CWC27: variants seen among roughly 807,000 people sequenced by gnomAD.
CWC27 encodes CWC27 spliceosome associated cyclophilin.
In CWC27, 47 loss-of-function variants were observed where a neutral mutation model predicts 63.6. The ratio of observed to expected loss-of-function variants is 0.74; its 90% CI spans 0.58 to 0.94. The LOEUF (loss-of-function observed/expected upper bound fraction) is 0.94, where lower values mean the gene tolerates loss of function less well. Ranked by LOEUF, CWC27 falls within the 40% of genes least tolerant of loss-of-function variation. The pLI, the probability that CWC27 is intolerant of heterozygous loss-of-function variation, is 0.00. For missense variants in CWC27, 495 were observed against 554.3 expected (o/e 0.89, Z 1.07); for synonymous variants, 175 against 179.8 (o/e 0.97, Z 0.22).
chr5:64,998,216 A>G (rs1182900242), intron 13 of CWC27, among the ~76,000 whole-genome samples: 2 of 152,102 alleles, frequency 1.3e-5, no homozygotes, highest in African/African-American at 4.8e-5. Context: ...TGAGAGAGAT[A>G]GGGAGACAGC....
rs766912754 is a variant in CWC27, at chr5:64,788,927, TTTTC to T, written c.600-16_600-13del. 4 of 1,505,948 alleles carry T rather than the reference TTTTC, an allele frequency of 2.7e-6. No homozygotes were observed. Among genetic ancestry groups the T allele is most frequent in the African/African-American group, 2.8e-5 (2 of 70,854 alleles). The allele number at this position is 1,505,948 out of a possible 1,614,324, so 93.3% of individuals were successfully genotyped here. A position where few individuals can be genotyped will look rare whatever the true frequency, so the allele number is the denominator to read the frequency against. ...GATTTGACTTTCTCTTTCTTTTTTT[TTTTC>T]TTTCTTTTTTTTGGACTAGAAATTT... On this transcript the variant is annotated intron_variant, in intron 6 of 13. Coordinates refer to ENST00000381070, the MANE Select transcript of CWC27 (RefSeq NM_005869.4).
chr5:64,878,922 T>C (rs1256013294), intron 10 of CWC27, among the ~76,000 whole-genome samples: 2 of 151,678 alleles, frequency 1.3e-5, no homozygotes, highest in East Asian at 3.9e-4. Flanking sequence ...TTCAATAGGA[T>C]TTAAGGAGCT....
At chr5:64,869,155 T>C (rs1436911624) in intron 10 of CWC27, among the ~76,000 whole-genome samples, 1 of 152,042 alleles carries the variant, frequency 6.6e-6, no homozygotes. Flanking sequence ...TAAGGGCAAA[T>C]ACTGAAACTT....
At chr5:64,888,948 A>G (rs1747153700) in intron 11 of CWC27, among the ~76,000 whole-genome samples, 2 of 152,166 alleles carry the variant, frequency 1.3e-5, no homozygotes, top group Non-Finnish European at 2.9e-5. Flanking sequence ...CAACAATAAG[A>G]CAGAAGACAT....
At chr5:64,885,579 T>C in intron 11 of CWC27, 33 bp downstream of exon 11, 1 of 1,463,960 alleles carries the variant, frequency 6.8e-7, no homozygotes, top group Non-Finnish European at 9.4e-7. Flanking sequence ...TTTTTTCACT[T>C]GATACTCCTC....
At chr5:64,895,908 AG>A (rs1248029418) in intron 11 of CWC27, among the ~76,000 whole-genome samples, 1 of 152,232 alleles carries the variant, frequency 6.6e-6, no homozygotes, top group African/African-American at 2.4e-5. Flanking sequence ...GAAACCTGGA[AG>A]ATCTAATAAA....
chr5:64,906,886 T>G (rs1747655041), intron 11 of CWC27, among the ~76,000 whole-genome samples: 1 of 151,726 alleles, frequency 6.6e-6, no homozygotes, highest in Non-Finnish European at 1.5e-5. Context: ...GCTTTCTATA[T>G]TCAGCCAGTT....
At chr5:64,820,880 A>C (rs999208734) in intron 10 of CWC27, among the ~76,000 whole-genome samples, 1 of 152,052 alleles carries the variant, frequency 6.6e-6, no homozygotes, top group Non-Finnish European at 1.5e-5. Flanking sequence ...TTTAAACACA[A>C]AAAGCATGAT....
chr5:64,880,277 A>C (rs1022618039), intron 10 of CWC27, among the ~76,000 whole-genome samples: 3 of 151,976 alleles, frequency 2.0e-5, no homozygotes, highest in African/African-American at 7.2e-5. Flanking sequence ...CATTTTCTCA[A>C]GGTGTCCATG....
chr5:64,782,429 C>T (rs1743730677), intron 3 of CWC27, among the ~76,000 whole-genome samples: 1 of 121,856 alleles, frequency 8.2e-6, no homozygotes, highest in Non-Finnish European at 1.9e-5. Flanking sequence ...GCCTGGGCGA[C>T]AGAGCGAGAC....
intron 13 of CWC27, among the ~76,000 whole-genome samples, chr5:64,989,893 C>T (rs989534915): frequency 6.6e-6 from 1 of 151,654 alleles, no homozygotes; most frequent in African/African-American, 2.4e-5. Flanking sequence ...CCCCAGCTGA[C>T]AGATGGTGCA....
intron 11 of CWC27, among the ~76,000 whole-genome samples, chr5:64,903,492 C>T (rs1747553016): frequency 1.3e-5 from 2 of 150,052 alleles, no homozygotes; most frequent in South Asian, 4.2e-4. Flanking sequence ...CACATGGACA[C>T]AGGGAGGGGA....
At chr5:64,847,614 C>T (rs1056998600) in intron 10 of CWC27, among the ~76,000 whole-genome samples, 3 of 152,138 alleles carry the variant, frequency 2.0e-5, no homozygotes, top group African/African-American at 7.2e-5. Context: ...ACAGAACATT[C>T]TTCAGCTTAG....
chr5:64,901,407 G>A (rs959018320), intron 11 of CWC27, among the ~76,000 whole-genome samples: 6 of 149,728 alleles, frequency 4.0e-5, no homozygotes, highest in South Asian at 2.1e-4. Context: ...GCAGTGAGCC[G>A]AGATGGCACC....
intron 11 of CWC27, among the ~76,000 whole-genome samples, chr5:64,954,928 CATCCAAATTTA>C (rs1337434244): frequency 6.6e-6 from 1 of 151,942 alleles, no homozygotes; most frequent in Non-Finnish European, 1.5e-5. Flanking sequence ...TACATTTGAA[CATCCAAATTTA>C]TAGAAAATAT....
At chr5:64,858,746 C>T (rs184607433) in intron 10 of CWC27, among the ~76,000 whole-genome samples, 3 of 151,800 alleles carry the variant, frequency 2.0e-5, no homozygotes, top group Non-Finnish European at 4.4e-5. Flanking sequence ...AATGAAAAAA[C>T]CAGATGTTAG....
At chr5:64,850,889 A>G (rs1002603572) in intron 10 of CWC27, among the ~76,000 whole-genome samples, 4 of 131,284 alleles carry the variant, frequency 3.0e-5, no homozygotes, top group Non-Finnish European at 6.6e-5. Flanking sequence ...CAGAATGGCT[A>G]TCAAAAAAAA....
chr5:64,903,792 G>A (rs192862411), intron 11 of CWC27, among the ~76,000 whole-genome samples: 34 of 152,216 alleles, frequency 2.2e-4, no homozygotes, highest in Admixed American at 3.9e-4. Flanking sequence ...CCTTTCTGAC[G>A]CCCCTCACAG....
intron 11 of CWC27, among the ~76,000 whole-genome samples, chr5:64,946,261 C>G (rs1748590275): frequency 6.6e-6 from 1 of 152,060 alleles, no homozygotes; most frequent in Non-Finnish European, 1.5e-5. Flanking sequence ...TTTAAAGTAG[C>G]CAGGTGAGCT....
Sources: allele counts gnomAD v4.1 joint callset (sites outside exome capture counted in the v4.1 genomes callset), GRCh38; gene constraint gnomAD v4.1.1; transcripts MANE v1.5; gene names NCBI Gene and HGNC (gene_info 2026-07-23, HGNC 2026-07-21).